The following HAPLN2 variants were observed in gnomAD, a reference collection of about 807,000 sequenced individuals.
HAPLN2 encodes the protein hyaluronan and proteoglycan link protein 2, also known as brain link protein-1.
In HAPLN2, 27 loss-of-function variants were observed where a neutral mutation model predicts 29.3. That is an observed-to-expected ratio of 0.92 (90% CI 0.68 to 1.27). The LOEUF (loss-of-function observed/expected upper bound fraction) is 1.27. HAPLN2 is among the 50% of genes most tolerant of loss of function. The pLI is 0.00. For synonymous variants in HAPLN2, 208 were observed against 211.7 expected (o/e 0.98, Z 0.15); for missense variants, 454 against 484.3 (o/e 0.94, Z 0.59).
At chr1:156,615,918 A>T (rs182892659), upstream of HAPLN2, among the ~76,000 whole-genome samples, 1,476 of 152,168 alleles carry the variant, frequency 9.7e-3, 18 homozygotes, top group African/African-American at 0.033. Flanking sequence ...TCTTAAAAAA[A>T]TTTTTAGAGA....
chr1:156,623,269 G>A (rs1453563210), intron 2 of HAPLN2, among the ~76,000 whole-genome samples, 198 bp from the exon 3 acceptor site: 2 of 151,898 alleles, frequency 1.3e-5, no homozygotes, highest in Non-Finnish European at 2.9e-5. Flanking sequence ...GACAGAGGAA[G>A]AGAGGGAGAG....
chr1:156,602,757 G>A, the HAPLN2 span, among the ~76,000 whole-genome samples: 1 of 151,612 alleles, frequency 6.6e-6, no homozygotes, highest in African/African-American at 2.4e-5. Flanking sequence ...AGGATGTATT[G>A]AGCAAAGGAG....
At chr1:156,618,684 C>A (rs7527505), upstream of HAPLN2, among the ~76,000 whole-genome samples, 3,713 of 142,464 alleles carry the variant, frequency 0.026, 165 homozygotes, top group African/African-American at 0.092. Flanking sequence ...GAGGCTGAGG[C>A]AGAAGAATGG....
At chr1:156,604,585 C>T in the HAPLN2 span, among the ~76,000 whole-genome samples, 1 of 152,058 alleles carries the variant, frequency 6.6e-6, no homozygotes, top group Non-Finnish European at 1.5e-5. Context: ...CCGTGCCCGG[C>T]CAAAGAATTC....
the HAPLN2 span, among the ~76,000 whole-genome samples, chr1:156,608,201 G>A: frequency 6.6e-6 from 1 of 152,232 alleles, no homozygotes; most frequent in Non-Finnish European, 1.5e-5. Context: ...GGCCGACAGA[G>A]CACAGAGAGA....
Position 156,625,032 on chromosome 1 carries a change from G to A in HAPLN2, c.740-69G>A. The A allele has an allele frequency of 1.3e-6, 2 of 1,499,128 alleles. No homozygotes were observed. Among genetic ancestry groups the A allele is most frequent in the South Asian group, 2.5e-5 (2 of 80,786 alleles). 92.9% of individuals were successfully genotyped at this position (1,499,128 alleles called of 1,614,324 possible). ...CTCTGCGGTCCCGCACCCCAACTCCGCCTCCTGGGTGTCAGCCGCCCCTCT... is the reference window on the plus strand; with the variant it reads ...CTCTGCGGTCCCGCACCCCAACTCCACCTCCTGGGTGTCAGCCGCCCCTCT... On this transcript the variant is annotated intron_variant, in intron 6 of 6. Coordinates refer to ENST00000255039, the MANE Select transcript of HAPLN2 (RefSeq NM_021817.3). This position sits in a 1 kb window ranked among gnomAD's most constrained non-coding sequence, Gnocchi z 5.7.
rs1394537071 is a variant in HAPLN2, at chr1:156,624,422, G to T, written c.511G>T (p.Glu171Ter). Residue 171 changes from glutamate (E) to a stop codon, truncating the protein, a stop_gained, in exon 5 of 7, where the codon GAG (glutamate) becomes TAG (stop). Coordinates refer to ENST00000255039, the MANE Select transcript of HAPLN2 (RefSeq NM_021817.3). LOFTEE classifies it high-confidence loss of function. ...FNYYEAKQAC[E>*]EQDGRLATYS... ...TTACTACGAGGCGAAGCAGGCGTGC[G>T]AGGAGCAGGACGGACGCCTGGCCAC... 6.2e-7 allele frequency: 1 copy of T among 1,611,930 alleles called. No homozygotes were observed. Among genetic ancestry groups the T allele is most frequent in the Admixed American group, 1.7e-5 (1 of 59,816 alleles).
At chr1:156,609,085 T>A in the HAPLN2 span, among the ~76,000 whole-genome samples, 1 of 152,006 alleles carries the variant, frequency 6.6e-6, no homozygotes, top group Non-Finnish European at 1.5e-5. Flanking sequence ...AAAACAGAGG[T>A]CTGAAGCGCT....
intron 2 of HAPLN2, among the ~76,000 whole-genome samples, chr1:156,622,829 C>T (rs1327108238): frequency 6.6e-6 from 1 of 151,696 alleles, no homozygotes; most frequent in African/African-American, 2.4e-5. Flanking sequence ...AATCCCAGCA[C>T]CAGCCTTGTC....
chr1:156,624,855 G>T, intron 6 of HAPLN2, 72 bp downstream of exon 6: 2 of 1,426,042 alleles, frequency 1.4e-6, no homozygotes. Flanking sequence ...GTGGACCTCA[G>T]CTTGAGATCA....
the HAPLN2 span, chr1:156,601,541 G>GT: frequency 2.2e-6 from 3 of 1,384,328 alleles, no homozygotes; most frequent in Non-Finnish European, 3.0e-6. Context: ...CAAAATCACG[G>GT]TTTTTCCAGG....
upstream of HAPLN2, among the ~76,000 whole-genome samples, chr1:156,618,929 C>G (rs1342106217): frequency 2.0e-5 from 3 of 151,924 alleles, no homozygotes; most frequent in Non-Finnish European, 4.4e-5. Flanking sequence ...GATAACTTCT[C>G]TTTTGGAGAG....
chr1:156,619,416 G>A lies in HAPLN2; in HGVS notation c.-285G>A, dbSNP rs1450902712. 1.0e-4 allele frequency: 16 copies of A among 152,400 alleles called. No individual in the cohort carries two copies. Among genetic ancestry groups the A allele is most frequent in the Admixed American group, 1.0e-3 (16 of 15,274 alleles). 9.4% of individuals were successfully genotyped at this position (152,400 alleles called of 1,614,324 possible). A position where few individuals can be genotyped will look rare whatever the true frequency, so the allele number is the denominator to read the frequency against. On this transcript the variant is annotated 5_prime_UTR_variant, in exon 1 of 7. Transcript: ENST00000255039. ...CTGAGAAGGAAAGGACAGACAGACA[G>A]ACAGACAGGGGGTTGTACAGAAGAG...
intron 2 of HAPLN2, among the ~76,000 whole-genome samples, chr1:156,620,850 G>T (rs760949289): frequency 2.0e-5 from 3 of 152,192 alleles, no homozygotes; most frequent in Non-Finnish European, 2.9e-5. Context: ...GGAGATAACA[G>T]CTAACACATA....
chr1:156,619,298 C>G (rs1216139584), upstream of HAPLN2: 2 of 150,850 alleles, frequency 1.3e-5, no homozygotes, highest in Non-Finnish European at 2.9e-5. Context: ...ATTTCATTGC[C>G]ATTACCCACA....
At chr1:156,604,648 C>T in the HAPLN2 span, among the ~76,000 whole-genome samples, 1,129 of 152,234 alleles carry the variant, frequency 7.4e-3, 4 homozygotes, top group Non-Finnish European at 0.013. Flanking sequence ...AAAGAAGATA[C>T]AAAATGTTAC....
intron 6 of HAPLN2, 114 bp downstream of exon 6, chr1:156,624,897 G>A: frequency 2.3e-6 from 3 of 1,299,080 alleles, no homozygotes; most frequent in South Asian, 1.5e-5. Context: ...CCAAGGCACC[G>A]CCCCCCCATC....
At chr1:156,618,502 G>A (rs537100587), upstream of HAPLN2, among the ~76,000 whole-genome samples, 26 of 150,604 alleles carry the variant, frequency 1.7e-4, no homozygotes, top group African/African-American at 4.9e-4. Context: ...TAAAAAGGCC[G>A]GGCACGGTGG....
chr1:156,625,044 T>A lies in HAPLN2; in HGVS notation c.740-57T>A. Reference sequence around the variant, plus strand: ...GCACCCCAACTCCGCCTCCTGGGTGTCAGCCGCCCCTCTCCGCCCACCCTG... The same window carrying A: ...GCACCCCAACTCCGCCTCCTGGGTGACAGCCGCCCCTCTCCGCCCACCCTG... On this transcript the variant is annotated intron_variant, in intron 6 of 6. Transcript: ENST00000255039. This position sits in a 1 kb window ranked among gnomAD's most constrained non-coding sequence, Gnocchi z 5.7. 1 of 1,514,646 alleles carries A rather than the reference T, an allele frequency of 6.6e-7. No homozygotes were observed. Among genetic ancestry groups the A allele is most frequent in the South Asian group, 1.2e-5 (1 of 82,054 alleles). The allele number at this position is 1,514,646 out of a possible 1,614,324, so 93.8% of individuals were successfully genotyped here.
Sources: gnomAD v4.1 joint callset for allele counts (sites outside exome capture counted in the v4.1 genomes callset) on GRCh38, gnomAD v4.1.1 for gene constraint, Gnocchi (gnomAD v3.1) non-coding constraint, MANE v1.5 for transcripts, NCBI Gene and HGNC (gene_info 2026-07-23, HGNC 2026-07-21) for gene names.